The following LETM1 variants were observed in gnomAD, a reference collection of about 807,000 sequenced individuals.
LETM1 encodes leucine zipper and EF-hand containing transmembrane protein 1, also known as mitochondrial proton/calcium exchanger protein.
LETM1 carries 50 observed loss-of-function variants against 74.5 expected under a neutral mutation model. The observed-to-expected ratio is 0.67, with a 90% CI of 0.53 to 0.85. The LOEUF is 0.85. Ranked by LOEUF, LETM1 falls within the 40% of genes least tolerant of loss-of-function variation. The pLI is 0.00. For synonymous variants in LETM1, 446 were observed against 407.1 expected (o/e 1.10, Z -1.15); for missense variants, 824 against 967.8 (o/e 0.85, Z 1.97).
At chr4:1,830,016 G>A (rs971368711) in intron 6 of LETM1, among the ~76,000 whole-genome samples, 14 of 152,178 alleles carry the variant, frequency 9.2e-5, no homozygotes, top group African/African-American at 3.4e-4. Flanking sequence ...GAAATTTGCA[G>A]ATTTACATCT....
intron 10 of LETM1, among the ~76,000 whole-genome samples, chr4:1,821,729 C>T (rs1577311534): frequency 6.6e-6 from 1 of 152,262 alleles, no homozygotes; most frequent in South Asian, 2.1e-4. Flanking sequence ...GGAGGCTGCA[C>T]CTCACAGGCT....
chr4:1,828,587 C>T (rs1337891944), intron 6 of LETM1, among the ~76,000 whole-genome samples: 1 of 107,590 alleles, frequency 9.3e-6, no homozygotes, highest in African/African-American at 4.1e-5. Context: ...CTGGACGGGG[C>T]GGCTGGCCGG....
At position 1,836,204 on chromosome 4, in the gene LETM1, C is replaced by G. The variant is rs935603823; in HGVS notation, c.738+225G>C. 6.6e-6 allele frequency among the ~76,000 whole-genome samples: 1 copy of G among 151,958 alleles called. No individual in the cohort carries two copies. Among genetic ancestry groups the G allele is most frequent in the Admixed American group, 6.5e-5 (1 of 15,270 alleles). On this transcript the variant is annotated intron_variant, in intron 4 of 13. Transcript: ENST00000302787. This position sits in a 1 kb window ranked among gnomAD's most constrained non-coding sequence, Gnocchi z 5.8. ...CTGCACTCCAGCCTGGGTGACAGAGCGAGACCCTGTTTCAAAAATAAATAA... is the reference window on the plus strand; with the variant it reads ...CTGCACTCCAGCCTGGGTGACAGAGGGAGACCCTGTTTCAAAAATAAATAA...
rs1212500819 is a variant in LETM1 at position 1,812,645 on chromosome 4, G to A, written c.*1779C>T. ...GAAAGGTCAGGACATAGAGAAAAAT[G>A]CACACAGAACGATGAGGGAGAATGA... is the stretch of plus-strand genomic sequence containing the variant. On this transcript the variant is annotated 3_prime_UTR_variant, in exon 14 of 14. Transcript: ENST00000302787. 6.6e-6 allele frequency: 1 copy of A among 152,348 alleles called. No individual in the cohort carries two copies. The highest frequency in any genetic ancestry group is 1.5e-5 in the Non-Finnish European group (1 of 68,070). The allele number at this position is 152,348 out of a possible 1,614,324, so 9.4% of individuals were successfully genotyped here.
chr4:1,835,355 C>T (rs1027051549), intron 4 of LETM1, among the ~76,000 whole-genome samples: 2 of 152,050 alleles, frequency 1.3e-5, no homozygotes, highest in African/African-American at 4.8e-5. Flanking sequence ...ACAAGAATCG[C>T]TTGAACCCAG....
rs1286651590 is a variant in LETM1 at position 1,852,117 on chromosome 4, G to A, written c.83-2908C>T. Among the ~76,000 whole-genome samples, 3 of 152,180 alleles carry A rather than the reference G, an allele frequency of 2.0e-5. 1 individual carries two copies. The highest frequency in any genetic ancestry group is 4.4e-5 in the Non-Finnish European group (3 of 68,044). ...TAATTCCATACTGACACTACCCAGA[G>A]TTAGTGCAGACCTCACAGGGTACGG... On this transcript the variant is annotated intron_variant, in intron 1 of 13. Transcript: ENST00000302787.
At chr4:1,841,834 C>T in intron 2 of LETM1, 37 bp from the exon 3 acceptor site, 3 of 1,485,652 alleles carry the variant, frequency 2.0e-6, no homozygotes, top group Non-Finnish European at 2.8e-6. Flanking sequence ...TAGTAAGAGC[C>T]AGCACTAGCC....
intron 1 of LETM1, among the ~76,000 whole-genome samples, chr4:1,854,352 C>A (rs1055524337): frequency 6.6e-6 from 1 of 151,614 alleles, no homozygotes; most frequent in African/African-American, 2.4e-5. Context: ...TGAGGGTGTG[C>A]GCCTGTAATC....
intron 6 of LETM1, among the ~76,000 whole-genome samples, chr4:1,827,367 T>C (rs1712034351): frequency 7.9e-6 from 1 of 126,686 alleles, no homozygotes; most frequent in Non-Finnish European, 1.6e-5. Context: ...GGGACAATAG[T>C]GGAGGGAAGG....
Position 1,855,997 on chromosome 4 carries a change from TCCGCGGCGG to T in LETM1, c.-56_-48del. 5 of 1,134,082 alleles carry T rather than the reference TCCGCGGCGG, an allele frequency of 4.4e-6. No individual in the cohort carries two copies. The highest frequency in any genetic ancestry group is 5.5e-6 in the Non-Finnish European group (5 of 907,972). The allele number at this position is 1,134,082 out of a possible 1,614,324, so 70.3% of individuals were successfully genotyped here. On this transcript the variant is annotated 5_prime_UTR_variant, in exon 1 of 14. Coordinates refer to ENST00000302787, the MANE Select transcript of LETM1 (RefSeq NM_012318.3). Reference sequence around the variant, plus strand: ...TCCGGCCTCCTGCGCTGCCTCCTTCTCCGCGGCGGCCGCGGCTCTTCGCCGTCCCGGCGG... The same window carrying T: ...TCCGGCCTCCTGCGCTGCCTCCTTCTCCGCGGCTCTTCGCCGTCCCGGCGG...
At chr4:1,847,640 T>C (rs1159229932) in intron 2 of LETM1, among the ~76,000 whole-genome samples, 5 of 151,902 alleles carry the variant, frequency 3.3e-5, no homozygotes, top group Admixed American at 3.3e-4. Context: ...GCTAATGTGG[T>C]GAAAATTTTG....
At position 1,823,001 on chromosome 4, in the gene LETM1, C is replaced by T. The variant is rs552919478; in HGVS notation, c.1463G>A (p.Arg488His). ...QEHREKELQK[R>H]SEVAKDFEPE... ...ACCACCGCTTACCGCCACCTCCGAG[C>T]GCTTCTGCAGCTCCTTCTCACGGTG... Residue 488 changes from arginine (R) to histidine (H), a missense_variant, in exon 9 of 14, where the codon CGC becomes CAC. This residue lies in a region of LETM1 where 172 missense variants were observed against 170.7 expected (regional missense o/e 1.01). Coordinates refer to ENST00000302787, the MANE Select transcript of LETM1 (RefSeq NM_012318.3). 1.8e-5 allele frequency: 29 copies of T among 1,591,076 alleles called. No homozygotes were observed. In the East Asian group the frequency reaches 2.3e-4, roughly 13 times the overall value.
In LETM1 at chr4:1,822,416, G is replaced by A. The variant is rs1298162096; in HGVS notation, c.1477-104C>T. ...ATGGCAGAGGCCACACTGGGAGCAG[G>A]CCTGCAGGTGACATTGGGCAGCACA... On this transcript the variant is annotated intron_variant, in intron 9 of 13. Coordinates refer to ENST00000302787, the MANE Select transcript of LETM1 (RefSeq NM_012318.3). 8.8e-6 allele frequency: 11 copies of A among 1,248,008 alleles called. No individual in the cohort carries two copies. The East Asian group carries it at 3.4e-4, about 39-fold the overall frequency. 77.3% of individuals were successfully genotyped at this position (1,248,008 alleles called of 1,614,324 possible). A position where few individuals can be genotyped will look rare whatever the true frequency, so the allele number is the denominator to read the frequency against.
At chr4:1,850,306 T>TA (rs1049915442) in intron 1 of LETM1, among the ~76,000 whole-genome samples, 1 of 151,932 alleles carries the variant, frequency 6.6e-6, no homozygotes, top group Non-Finnish European at 1.5e-5. Flanking sequence ...AAAGTAGTCC[T>TA]AAAAAAAGAT....
intron 10 of LETM1, among the ~76,000 whole-genome samples, chr4:1,819,718 C>T (rs771428712): frequency 5.3e-5 from 8 of 152,218 alleles, no homozygotes; most frequent in Non-Finnish European, 1.0e-4. Context: ...TGAATTGACA[C>T]GTGTACTGTG....
intron 6 of LETM1, 36 bp from the exon 7 acceptor site, chr4:1,825,719 G>C: frequency 1.3e-6 from 2 of 1,578,772 alleles, no homozygotes; most frequent in Non-Finnish European, 1.7e-6. Context: ...ATCTGGGACA[G>C]TTGCTGGTGG....
Position 1,841,604 on chromosome 4 carries a change from G to T in LETM1, c.337C>A (p.Pro113Thr). ...TCTACTACCGAGTCATCGCGAACAG[G>T]GCGCGAAGAGTGCCAGCCACGCACA... ...LPVRGWHSSR[P>T]VRDDSVVEKS... Residue 113 changes from proline (P) to threonine (T), a missense_variant, in exon 3 of 14, where the codon CCT (proline) becomes ACT (threonine). Around this residue, in one of 4 missense-constraint regions of LETM1, gnomAD observed 222 missense variants for 195.6 expected, o/e 1.14. Coordinates refer to ENST00000302787, the MANE Select transcript of LETM1 (RefSeq NM_012318.3). The T allele has an allele frequency of 6.2e-7, 1 of 1,614,228 alleles. No homozygotes were observed. Among genetic ancestry groups the T allele is most frequent in the Non-Finnish European group, 8.5e-7 (1 of 1,180,044 alleles).
At chr4:1,815,987 C>A (rs951143732) in intron 12 of LETM1, among the ~76,000 whole-genome samples, 185 bp from the exon 13 acceptor site, 2 of 152,268 alleles carry the variant, frequency 1.3e-5, no homozygotes, top group Non-Finnish European at 2.9e-5. Context: ...GCTCCCAGGG[C>A]CAGCGTGGAC....
chr4:1,831,285 G>A (rs1019702548), intron 6 of LETM1, among the ~76,000 whole-genome samples: 10 of 152,228 alleles, frequency 6.6e-5, no homozygotes, highest in African/African-American at 1.4e-4. Flanking sequence ...GCGCTGCCTC[G>A]TAAGAAGTGC....
Sources: allele counts gnomAD v4.1 joint callset (sites outside exome capture counted in the v4.1 genomes callset), GRCh38; gene constraint gnomAD v4.1.1; regional missense constraint gnomAD v4.1.1; non-coding constraint Gnocchi (gnomAD v3.1); transcripts MANE v1.5; gene names NCBI Gene and HGNC (gene_info 2026-07-23, HGNC 2026-07-21).